Variants in SBK1 observed in about 807,000 individuals in gnomAD.
The protein encoded by SBK1 is serine/threonine-protein kinase SBK1.
In SBK1, 11 loss-of-function variants were observed where a neutral mutation model predicts 24.4. That is an observed-to-expected ratio of 0.45 (90% CI 0.28 to 0.75). The LOEUF (loss-of-function observed/expected upper bound fraction) is 0.75. Among genes scored for constraint, SBK1 ranks in the 30% least tolerant of loss-of-function variants. The pLI, the probability that SBK1 is intolerant of heterozygous loss-of-function variation, is 0.12. For missense variants in SBK1, 467 were observed against 620.5 expected (o/e 0.75, Z 2.63); for synonymous variants, 308 against 284.4 (o/e 1.08, Z -0.83).
chr16:28,314,053 G>A (rs1487975467), intron 1 of SBK1, among the ~76,000 whole-genome samples: 3 of 148,862 alleles, frequency 2.0e-5, no homozygotes, highest in Non-Finnish European at 4.4e-5. Flanking sequence ...CTTACTGCAT[G>A]CCACATGCCA....
chr16:28,298,012 G>A (rs1041103080), intron 1 of SBK1, among the ~76,000 whole-genome samples: 4 of 152,330 alleles, frequency 2.6e-5, no homozygotes, highest in East Asian at 3.9e-4. Context: ...TGCTTTCCAC[G>A]TGAGGCGCCT....
chr16:28,311,015 C>T (rs1027649409), intron 1 of SBK1, among the ~76,000 whole-genome samples: 3 of 152,036 alleles, frequency 2.0e-5, no homozygotes, highest in African/African-American at 7.2e-5. Flanking sequence ...GGGATGGGTG[C>T]GTGGATTAAT....
intron 1 of SBK1, among the ~76,000 whole-genome samples, chr16:28,310,026 TCA>T (rs1397926909): frequency 6.6e-6 from 1 of 152,172 alleles, no homozygotes; most frequent in South Asian, 2.1e-4. Flanking sequence ...GGTGGGCGGC[TCA>T]GTCTTGCTTC....
chr16:28,301,864 A>G (rs1344090263), intron 1 of SBK1, among the ~76,000 whole-genome samples: 1 of 152,186 alleles, frequency 6.6e-6, no homozygotes, highest in Non-Finnish European at 1.5e-5. Flanking sequence ...AGGTGGCACA[A>G]ACTGCCCAAG....
rs1192565874 is a variant in SBK1, at chr16:28,320,493, C to A, written c.847C>A (p.Arg283Ser). 6.4e-7 allele frequency: 1 copy of A among 1,572,188 alleles called. No homozygotes were observed. The highest frequency in any genetic ancestry group is 8.6e-7 in the Non-Finnish European group (1 of 1,165,772). ...RLPGLPSQWR[R>S]FTEPALRMFQ... ...GCCGGGGCTGCCTTCGCAGTGGCGC[C>A]GCTTCACCGAGCCCGCGCTGCGCAT... Residue 283 changes from arginine to serine, a missense_variant, in exon 4 of 4, where the codon CGC becomes AGC. Arg to Ser is a moderately radical substitution (Grantham distance 110). Around this residue, in one of 4 missense-constraint regions of SBK1, gnomAD observed 86 missense variants for 121.7 expected, o/e 0.71. Coordinates refer to ENST00000341901, the MANE Select transcript of SBK1 (RefSeq NM_001024401.3). The surrounding 1 kb of genome is among the most constrained non-coding windows in gnomAD (Gnocchi z 8.5).
chr16:28,292,024 C>A (rs1360885340), upstream of SBK1: 1 of 152,174 alleles, frequency 6.6e-6, no homozygotes, highest in Non-Finnish European at 1.5e-5. Flanking sequence ...GAAGCGCAGG[C>A]AGGCAGGCGG....
chr16:28,302,876 C>G (rs867255681), intron 1 of SBK1, among the ~76,000 whole-genome samples: 1 of 150,646 alleles, frequency 6.6e-6, no homozygotes, highest in Non-Finnish European at 1.5e-5. Context: ...GGAAAAGAGA[C>G]AGTCATAATA....
At chr16:28,293,548 G>T (rs914878021) in intron 1 of SBK1, among the ~76,000 whole-genome samples, 2 of 152,208 alleles carry the variant, frequency 1.3e-5, no homozygotes, top group East Asian at 3.9e-4. Context: ...GAGTGGTGGT[G>T]GAGCCCGTTG....
chr16:28,311,928 G>A (rs2044757144), intron 1 of SBK1, among the ~76,000 whole-genome samples: 1 of 152,240 alleles, frequency 6.6e-6, no homozygotes, highest in Admixed American at 6.5e-5. Flanking sequence ...CCTGGGTGTG[G>A]GAGGCAGGGA....
rs1217909380 is a variant in SBK1 at position 28,320,058 on chromosome 16, TC to T, written c.430-13del. ...CTGGAGAGCTGGAAACAGCGCGGCT[TC>T]CCCCGGCCGCCCGCAGGTGGGGCTC... On this transcript the variant is annotated splice_polypyrimidine_tract_variant and intron_variant, in intron 3 of 3. Transcript: ENST00000341901. The surrounding 1 kb of genome is among the most constrained non-coding windows in gnomAD (Gnocchi z 8.5). 8 of 1,467,158 alleles carry T rather than the reference TC, an allele frequency of 5.5e-6. No homozygotes were observed. The East Asian group carries it at 7.4e-5, about 14-fold the overall frequency. The allele number at this position is 1,467,158 out of a possible 1,614,324, so 90.9% of individuals were successfully genotyped here.
At chr16:28,270,686 G>C (rs990529356) in intron 1 of SBK1, among the ~76,000 whole-genome samples, 1 of 151,858 alleles carries the variant, frequency 6.6e-6, no homozygotes, top group African/African-American at 2.4e-5. Flanking sequence ...GCCTCCCAAA[G>C]TGCTGGGATT....
chr16:28,279,273 C>T (rs2044514193), intron 1 of SBK1, among the ~76,000 whole-genome samples: 1 of 151,612 alleles, frequency 6.6e-6, no homozygotes, highest in African/African-American at 2.4e-5. Context: ...ATGGCTCATG[C>T]CTGTGGTCCC....
chr16:28,285,868 A>C (rs2044562641), intron 1 of SBK1: 1 of 152,214 alleles, frequency 6.6e-6, no homozygotes, highest in Non-Finnish European at 1.5e-5. Context: ...AGAATTCCCA[A>C]CTCAAAGTGG....
At chr16:28,265,242 C>T (rs2044420982) in intron 1 of SBK1, among the ~76,000 whole-genome samples, 1 of 151,804 alleles carries the variant, frequency 6.6e-6, no homozygotes. Flanking sequence ...CATGAGACCC[C>T]CATCTCTATT....
upstream of SBK1, chr16:28,292,142 G>A (rs1365445059): frequency 6.6e-6 from 1 of 151,902 alleles, no homozygotes; most frequent in Non-Finnish European, 1.5e-5. Context: ...GACAGTCTGG[G>A]GCAGTCTCGT....
intron 1 of SBK1, among the ~76,000 whole-genome samples, chr16:28,295,701 TA>T (rs2044633996): frequency 6.6e-6 from 1 of 152,042 alleles, no homozygotes. Flanking sequence ...TGTGAGTGCT[TA>T]AAAAAAGTCG....
chr16:28,320,473 G>C lies in SBK1; in HGVS notation c.827G>C (p.Gly276Ala). 1.3e-6 allele frequency: 2 copies of C among 1,574,806 alleles called. No homozygotes were observed. Among genetic ancestry groups the C allele is most frequent in the South Asian group, 1.1e-5 (1 of 89,590 alleles). Residue 276 changes from glycine (G) to alanine (A), a missense_variant, in exon 4 of 4, where the codon GGG becomes GCG. Gly to Ala is a moderately conservative substitution (Grantham distance 60, BLOSUM62 0). This residue lies in a region of SBK1 where 86 missense variants were observed against 121.7 expected (regional missense o/e 0.71). Transcript: ENST00000341901. This position sits in a 1 kb window ranked among gnomAD's most constrained non-coding sequence, Gnocchi z 8.5. ...FVRWQRGRLPGLPSQWRRFTE... is the reference protein window; with the variant it reads ...FVRWQRGRLPALPSQWRRFTE... The stretch of plus-strand genomic sequence containing the variant: ...CGCTGGCAGCGGGGCCGCCTGCCGG[G>C]GCTGCCTTCGCAGTGGCGCCGCTTC...
intron 1 of SBK1, among the ~76,000 whole-genome samples, chr16:28,308,450 C>CTTTTTTTTTTTTTTTT (rs59880320): frequency 2.5e-5 from 1 of 39,978 alleles, no homozygotes; most frequent in East Asian, 8.4e-4. Flanking sequence ...CATGCTTGGG[C>CTTTTTTTTTTTTTTTT]TTTTTTTTTT....
At chr16:28,318,919 G>C in intron 2 of SBK1, 76 bp from the exon 3 acceptor site, 3 of 1,081,070 alleles carry the variant, frequency 2.8e-6, no homozygotes, top group South Asian at 1.3e-5. Context: ...CCAGGGTCCA[G>C]AGACAGGCAT....
Sources: gnomAD v4.1 joint callset for allele counts (sites outside exome capture counted in the v4.1 genomes callset) on GRCh38, gnomAD v4.1.1 for gene constraint, gnomAD v4.1.1 regional missense constraint, Gnocchi (gnomAD v3.1) non-coding constraint, MANE v1.5 for transcripts, NCBI Gene and HGNC (gene_info 2026-07-23, HGNC 2026-07-21) for gene names.